Variants in PJA2 observed in about 807,000 individuals in gnomAD.
PJA2 encodes the protein praja ring finger ubiquitin ligase 2, also known as E3 ubiquitin-protein ligase Praja-2.
Under a neutral mutation model 69.3 loss-of-function variants are expected in PJA2, and 25 were observed. That is an observed-to-expected ratio of 0.36 (90% CI 0.26 to 0.50). PJA2 has a LOEUF of 0.50. Ranked by LOEUF, PJA2 falls within the 20% of genes least tolerant of loss-of-function variation. The probability of loss-of-function intolerance (pLI) is 0.96; values close to 1 mark genes in which losing one functional copy is unlikely to be tolerated. For synonymous variants in PJA2, 308 were observed against 277.8 expected, an observed-to-expected ratio of 1.11 and a Z score of -1.08; for missense variants, 809 against 830.2, an observed-to-expected ratio of 0.97 and a Z score of 0.31.
intron 4 of PJA2, among the ~76,000 whole-genome samples, chr5:109,376,610 T>TA (rs1222419435): frequency 6.6e-6 from 1 of 152,006 alleles, no homozygotes; most frequent in Non-Finnish European, 1.5e-5. Context: ...TGATTCTCCT[T>TA]AAAGAAGAAA....
chr5:109,358,361 T>A (rs909021677), intron 6 of PJA2, among the ~76,000 whole-genome samples: 1 of 152,228 alleles, frequency 6.6e-6, no homozygotes, highest in African/African-American at 2.4e-5. Flanking sequence ...ATACTTTTAG[T>A]TAATCTATGA....
At chr5:109,359,245 T>C (rs544760080) in intron 6 of PJA2, among the ~76,000 whole-genome samples, 6 of 152,226 alleles carry the variant, frequency 3.9e-5, no homozygotes, top group African/African-American at 1.4e-4. Context: ...ACATATCACA[T>C]ACAAAATATG....
chr5:109,336,374 A>G lies in PJA2; in HGVS notation c.*857T>C, dbSNP rs954864501. On this transcript the variant is annotated 3_prime_UTR_variant, in exon 10 of 10. Coordinates refer to ENST00000361189, the MANE Select transcript of PJA2 (RefSeq NM_014819.5). Reference sequence around the variant, plus strand: ...AGACCTTCCAAAATACTGTAGAAGCAAAATTACCTTAAACTAACTATAAGC... The same window carrying G: ...AGACCTTCCAAAATACTGTAGAAGCGAAATTACCTTAAACTAACTATAAGC... 1.3e-5 allele frequency: 2 copies of G among 152,202 alleles called. No individual in the cohort carries two copies. Among genetic ancestry groups the G allele is most frequent in the Non-Finnish European group, 2.9e-5 (2 of 68,032 alleles). 9.4% of individuals were successfully genotyped at this position (152,202 alleles called of 1,614,324 possible).
chr5:109,344,121 G>C, intron 9 of PJA2, 69 bp downstream of exon 9: 1 of 568,108 alleles, frequency 1.8e-6, no homozygotes, highest in Non-Finnish European at 2.6e-6. Flanking sequence ...AAAAAAAAAA[G>C]ATACTATTAT....
chr5:109,343,696 A>T (rs1762124770), intron 9 of PJA2, among the ~76,000 whole-genome samples: 1 of 152,216 alleles, frequency 6.6e-6, no homozygotes, highest in Non-Finnish European at 1.5e-5. Context: ...AGTAAAATAA[A>T]ATATTTCCAT....
chr5:109,378,997 G>A lies in PJA2; in HGVS notation c.490C>T (p.His164Tyr), dbSNP rs1390992631. The change falls in exon 4 of 10, where the codon CAT (histidine) becomes TAT (tyrosine). Residue 164 changes from histidine (H) to tyrosine (Y), a missense_variant. His to Tyr is a moderately conservative substitution (Grantham distance 83, BLOSUM62 2). Around this residue, in one of 4 missense-constraint regions of PJA2, gnomAD observed 700 missense variants for 639.5 expected, o/e 1.09. Coordinates refer to ENST00000361189, the MANE Select transcript of PJA2 (RefSeq NM_014819.5). ...SSVQNGIALVHTDSYDPDGKH... is the reference protein window; with the variant it reads ...SSVQNGIALVYTDSYDPDGKH... ...CCATCTGGATCATAAGAGTCTGTAT[G>A]AACCAATGCAATTCCATTTTGGACA... is the stretch of plus-strand genomic sequence containing the variant. 19 of 1,614,016 alleles carry A rather than the reference G, an allele frequency of 1.2e-5. No individual in the cohort carries two copies. Among genetic ancestry groups the A allele is most frequent in the Non-Finnish European group, 1.5e-5 (18 of 1,180,020 alleles).
chr5:109,397,751 T>G (rs1052582820), intron 1 of PJA2, among the ~76,000 whole-genome samples: 1 of 152,106 alleles, frequency 6.6e-6, no homozygotes, highest in African/African-American at 2.4e-5. Flanking sequence ...CTTGAACTCC[T>G]GATCTCAAAT....
At chr5:109,395,516 G>C (rs1747387252) in intron 1 of PJA2, among the ~76,000 whole-genome samples, 1 of 152,126 alleles carries the variant, frequency 6.6e-6, no homozygotes, top group Admixed American at 6.5e-5. Flanking sequence ...GACAGAGTAA[G>C]GCCCTGACTT....
chr5:109,343,283 AAAAAAAAAAG>A (rs1762111064), intron 9 of PJA2, among the ~76,000 whole-genome samples: 1 of 102,552 alleles, frequency 9.8e-6, no homozygotes, highest in Non-Finnish European at 2.0e-5. Context: ...CAAAAAAAAA[AAAAAAAAAAG>A]AAAGAAAGAA....
chr5:109,407,141 A>ATTT (rs1323497840), intron 1 of PJA2, among the ~76,000 whole-genome samples: 6 of 152,206 alleles, frequency 3.9e-5, no homozygotes, highest in African/African-American at 1.4e-4. Flanking sequence ...GTGGTCACAG[A>ATTT]GCACATATTT....
At chr5:109,380,086 C>CT (rs35217352) in intron 3 of PJA2, among the ~76,000 whole-genome samples, 831 of 74,214 alleles carry the variant, frequency 0.011, 61 homozygotes, top group African/African-American at 0.029. Context: ...ACGAAGGGTT[C>CT]TTTTTTTTTT....
chr5:109,385,895 T>C (rs1389056381), intron 1 of PJA2, among the ~76,000 whole-genome samples: 2 of 152,164 alleles, frequency 1.3e-5, no homozygotes, highest in African/African-American at 4.8e-5. Context: ...CCTACACATC[T>C]TACACACACA....
At chr5:109,409,670 C>T (rs906937866) in intron 1 of PJA2, among the ~76,000 whole-genome samples, 172 bp downstream of exon 1, 1 of 152,226 alleles carries the variant, frequency 6.6e-6, no homozygotes, top group African/African-American at 2.4e-5. Context: ...CCTCCCACAG[C>T]CATCAACCCC....
At chr5:109,372,144 C>T (rs1762684298) in intron 4 of PJA2, among the ~76,000 whole-genome samples, 1 of 152,094 alleles carries the variant, frequency 6.6e-6, no homozygotes, top group South Asian at 2.1e-4. Flanking sequence ...AACATAAATA[C>T]ATAATGATTA....
chr5:109,396,933 T>C (rs1365823689), intron 1 of PJA2, among the ~76,000 whole-genome samples: 1 of 152,184 alleles, frequency 6.6e-6, no homozygotes, highest in Non-Finnish European at 1.5e-5. Flanking sequence ...AGTGATATTG[T>C]CAGTGCTATG....
At chr5:109,399,831 A>T (rs1235772099) in intron 1 of PJA2, among the ~76,000 whole-genome samples, 2 of 152,216 alleles carry the variant, frequency 1.3e-5, no homozygotes, top group Non-Finnish European at 2.9e-5. Context: ...AACTATGATT[A>T]CCCTTTTAAA....
intron 4 of PJA2, among the ~76,000 whole-genome samples, chr5:109,376,519 G>C (rs558442963): frequency 6.6e-6 from 1 of 151,588 alleles, no homozygotes; most frequent in African/African-American, 2.4e-5. Flanking sequence ...TTCATCATAA[G>C]ACATTATAAC....
intron 9 of PJA2, 151 bp downstream of exon 9, chr5:109,344,039 G>T (rs1762131410): frequency 4.2e-6 from 2 of 478,984 alleles, no homozygotes; most frequent in South Asian, 7.3e-5. Context: ...AGAGGTTGCA[G>T]TGAGCCGAGA....
At chr5:109,383,845 T>G (rs1747103461) in intron 1 of PJA2, among the ~76,000 whole-genome samples, 1 of 152,094 alleles carries the variant, frequency 6.6e-6, no homozygotes, top group Non-Finnish European at 1.5e-5. Flanking sequence ...GAGGATTGCT[T>G]GAGCCCAGGA....
Sources: allele counts gnomAD v4.1 joint callset (sites outside exome capture counted in the v4.1 genomes callset), GRCh38; gene constraint gnomAD v4.1.1; regional missense constraint gnomAD v4.1.1; transcripts MANE v1.5; gene names NCBI Gene and HGNC (gene_info 2026-07-23, HGNC 2026-07-21).